Variants in ECE1 observed in about 807,000 individuals in gnomAD.
ECE1 encodes endothelin-converting enzyme 1.
In ECE1, 35 loss-of-function variants were observed where a neutral mutation model predicts 98.6. That is an observed-to-expected ratio of 0.35 (90% CI 0.27 to 0.47). ECE1 has a LOEUF of 0.47. ECE1 is among the 20% of genes least tolerant of loss of function. The pLI is 1.00. For missense variants in ECE1, 814 were observed against 1,025.3 expected (o/e 0.79, Z 2.81); for synonymous variants, 394 against 407.1 (o/e 0.97, Z 0.39).
intron 1 of ECE1, among the ~76,000 whole-genome samples, chr1:21,302,744 C>G (rs1192192749): frequency 6.6e-6 from 1 of 152,196 alleles, no homozygotes; most frequent in Non-Finnish European, 1.5e-5. Context: ...CTGGCCCGCC[C>G]TGCCCCCTTT....
intron 4 of ECE1, 51 bp downstream of exon 4, chr1:21,272,648 T>G: frequency 6.2e-7 from 1 of 1,608,568 alleles, no homozygotes; most frequent in Non-Finnish European, 8.5e-7. Context: ...CTGGGCCAGC[T>G]GACAGCTCCC....
At chr1:21,261,975 G>A (rs2098227587) in intron 4 of ECE1, among the ~76,000 whole-genome samples, 1 of 152,178 alleles carries the variant, frequency 6.6e-6, no homozygotes, top group South Asian at 2.1e-4. Context: ...TGGAGCAAAG[G>A]ACATGAGTCA....
chr1:21,222,123 T>C (rs1215266508), intron 17 of ECE1: 1 of 487,288 alleles, frequency 2.1e-6, no homozygotes, highest in African/African-American at 2.0e-5. Context: ...ACAGCCAAGA[T>C]GCATCTCAAA....
intron 1 of ECE1, among the ~76,000 whole-genome samples, chr1:21,343,543 A>T (rs1272517053): frequency 6.6e-6 from 1 of 152,236 alleles, no homozygotes; most frequent in Non-Finnish European, 1.5e-5. Flanking sequence ...TGGAAAAGAA[A>T]ACTAAGCAGT....
chr1:21,263,695 G>A (rs2098230081), intron 4 of ECE1, among the ~76,000 whole-genome samples: 1 of 151,960 alleles, frequency 6.6e-6, no homozygotes, highest in Admixed American at 6.6e-5. Flanking sequence ...GGCAGGTGGG[G>A]CAGGAGTGGA....
At chr1:21,321,225 C>G (rs917523766) in intron 1 of ECE1, among the ~76,000 whole-genome samples, 7 of 152,116 alleles carry the variant, frequency 4.6e-5, no homozygotes, top group African/African-American at 1.4e-4. Context: ...CAGGCTGGCC[C>G]CTGCTCCTGG....
chr1:21,222,335 C>G (rs761537062), intron 17 of ECE1, among the ~76,000 whole-genome samples: 3 of 152,162 alleles, frequency 2.0e-5, no homozygotes, highest in Admixed American at 6.6e-5. Flanking sequence ...TCTACCCTGT[C>G]TCTTGCCTGG....
At chr1:21,289,939 C>T in intron 2 of ECE1, 131 bp downstream of exon 2, 2 of 1,130,506 alleles carry the variant, frequency 1.8e-6, no homozygotes, top group East Asian at 3.5e-5. Flanking sequence ...CGGCCCCTCC[C>T]GGATGCCGGG....
chr1:21,255,423 T>C (rs1193336185), intron 8 of ECE1, among the ~76,000 whole-genome samples: 1 of 152,214 alleles, frequency 6.6e-6, no homozygotes, highest in Non-Finnish European at 1.5e-5. Context: ...CCCTTGGACG[T>C]TGGGCTTCTC....
intron 1 of ECE1, chr1:21,298,722 C>G (rs1638423238): frequency 2.2e-6 from 1 of 456,086 alleles, no homozygotes; most frequent in Non-Finnish European, 4.4e-6. Flanking sequence ...AGTCACACAT[C>G]TGGTAAACAG....
At chr1:21,243,983 G>A (rs992698277) in intron 10 of ECE1, among the ~76,000 whole-genome samples, 3 of 152,226 alleles carry the variant, frequency 2.0e-5, no homozygotes, top group African/African-American at 7.2e-5. Context: ...AGGACGTGTA[G>A]GATGCATTCC....
intron 1 of ECE1, among the ~76,000 whole-genome samples, chr1:21,301,825 C>CAGA (rs1352370787): frequency 2.3e-5 from 1 of 44,270 alleles, no homozygotes; most frequent in African/African-American, 9.0e-5. Context: ...GACCCTGTCT[C>CAGA]AGAAAAAAAA....
In ECE1 at chr1:21,322,504, G is replaced by A. The variant is rs1484953106; in HGVS notation, c.3+22872C>T. 5.3e-5 allele frequency among the ~76,000 whole-genome samples: 8 copies of A among 152,240 alleles called. No homozygotes were observed. The highest frequency in any genetic ancestry group is 1.0e-4 in the Non-Finnish European group (7 of 68,040). On this transcript the variant is annotated intron_variant, in intron 1 of 18. Coordinates refer to the ECE1 transcript ENST00000415912. The surrounding 1 kb of genome is among the most constrained non-coding windows in gnomAD (Gnocchi z 4.1). Reference sequence around the variant, plus strand: ...ACCTGGCCAGTGCAAGGCGCAGGCTGAGGCACAGGTTGGGGCTGTGCCAGG... The same window carrying A: ...ACCTGGCCAGTGCAAGGCGCAGGCTAAGGCACAGGTTGGGGCTGTGCCAGG...
chr1:21,226,387 T>C (rs148890335), intron 16 of ECE1, among the ~76,000 whole-genome samples: 45 of 152,206 alleles, frequency 3.0e-4, no homozygotes, highest in Non-Finnish European at 5.7e-4. Context: ...AGACAAGACA[T>C]GGGGGCCTGG....
chr1:21,289,992 G>A, intron 2 of ECE1, 78 bp downstream of exon 2: 1 of 1,265,628 alleles, frequency 7.9e-7, no homozygotes, highest in Non-Finnish European at 1.0e-6. Flanking sequence ...GTAGGTAGGG[G>A]CGGGGGGCGC....
chr1:21,236,042 C>T lies in ECE1; in HGVS notation c.1489-115G>A, dbSNP rs565938968. On this transcript the variant is annotated intron_variant, in intron 12 of 18. Coordinates refer to ENST00000374893, the MANE Select transcript of ECE1 (RefSeq NM_001397.3). ...AAGGGGAACCAGAGCCAGGCCCTGCCTGCCTTGGGCTTTCATGTCTTTTTC... is the reference window on the plus strand; with the variant it reads ...AAGGGGAACCAGAGCCAGGCCCTGCTTGCCTTGGGCTTTCATGTCTTTTTC... 45 of 960,116 alleles carry T rather than the reference C, an allele frequency of 4.7e-5. No homozygotes were observed. The South Asian group carries it at 5.8e-4, about 12-fold the overall frequency. The allele number at this position is 960,116 out of a possible 1,614,324, so 59.5% of individuals were successfully genotyped here.
At chr1:21,274,421 G>C (rs991721719) in intron 3 of ECE1, among the ~76,000 whole-genome samples, 1 of 152,212 alleles carries the variant, frequency 6.6e-6, no homozygotes, top group Non-Finnish European at 1.5e-5. Flanking sequence ...GTTTGCCAGT[G>C]GGGCTTTGGG....
At chr1:21,228,317 G>A (rs1329730833) in intron 14 of ECE1, among the ~76,000 whole-genome samples, 4 of 152,072 alleles carry the variant, frequency 2.6e-5, no homozygotes, top group East Asian at 3.9e-4. Context: ...CTCCTGCCTC[G>A]GACTCCCAAA....
At chr1:21,244,905 A>G in intron 10 of ECE1, 84 bp downstream of exon 10, 1 of 1,312,498 alleles carries the variant, frequency 7.6e-7, no homozygotes, top group Non-Finnish European at 1.1e-6. Flanking sequence ...CAGCTGGCTG[A>G]GGTCCCTTCC....
Sources: gnomAD v4.1 joint callset for allele counts (sites outside exome capture counted in the v4.1 genomes callset) on GRCh38, gnomAD v4.1.1 for gene constraint, Gnocchi (gnomAD v3.1) non-coding constraint, MANE v1.5 for transcripts, NCBI Gene and HGNC (gene_info 2026-07-23, HGNC 2026-07-21) for gene names.